MMP26: variants seen among roughly 807,000 people sequenced by gnomAD.
MMP26 encodes the protein matrix metallopeptidase 26.
MMP26 carries 33 observed loss-of-function variants against 31.0 expected under a neutral mutation model. The observed-to-expected ratio is 1.06, with a 90% CI of 0.81 to 1.42. The LOEUF is 1.42. Among genes scored for constraint, MMP26 ranks in the 40% most tolerant of loss-of-function variants. MMP26 has a pLI of 0.00. For missense variants in MMP26, 347 were observed against 316.1 expected (o/e 1.10, Z -0.74); for synonymous variants, 122 against 114.9 (o/e 1.06, Z -0.40).
At chr11:4,812,808 T>A (rs1849367215) in intron 2 of MMP26, among the ~76,000 whole-genome samples, 1 of 152,108 alleles carries the variant, frequency 6.6e-6, no homozygotes, top group Non-Finnish European at 1.5e-5. Flanking sequence ...AGGGAGGCCT[T>A]CTGTGGAGAC....
chr11:4,835,987 A>G (rs1393526670), intron 2 of MMP26, among the ~76,000 whole-genome samples: 1 of 152,064 alleles, frequency 6.6e-6, no homozygotes, highest in Non-Finnish European at 1.5e-5. Context: ...TATAAAATAC[A>G]TATATAAATA....
intron 2 of MMP26, among the ~76,000 whole-genome samples, chr11:4,956,388 AAATC>A (rs1846443529): frequency 1.3e-5 from 2 of 152,342 alleles, no homozygotes; most frequent in South Asian, 2.1e-4. Context: ...TAGATACAGT[AAATC>A]TACAGAGATA....
intron 2 of MMP26, among the ~76,000 whole-genome samples, chr11:4,796,528 T>C (rs1589903196): frequency 1.3e-5 from 2 of 152,230 alleles, no homozygotes; most frequent in Admixed American, 1.3e-4. Flanking sequence ...TTCAGGACAT[T>C]GATCAATAAA....
chr11:4,948,993 C>T (rs1846346321), intron 2 of MMP26, among the ~76,000 whole-genome samples: 1 of 124,084 alleles, frequency 8.1e-6, no homozygotes, highest in Non-Finnish European at 1.8e-5. Flanking sequence ...ATTGCTTTGA[C>T]AAGGACATGT....
intron 2 of MMP26, chr11:4,793,650 T>C (rs1362773635): frequency 6.6e-6 from 1 of 152,214 alleles, no homozygotes; most frequent in Non-Finnish European, 1.5e-5. Context: ...CTCACATAGA[T>C]TATTTCATGA....
intron 2 of MMP26, among the ~76,000 whole-genome samples, chr11:4,858,766 A>T (rs1420245925): frequency 1.3e-5 from 2 of 152,184 alleles, no homozygotes; most frequent in African/African-American, 4.8e-5. Flanking sequence ...CATTGCCAAG[A>T]TAATCCTAAG....
At chr11:4,940,257 A>G (rs1311970277) in intron 2 of MMP26, among the ~76,000 whole-genome samples, 1 of 152,128 alleles carries the variant, frequency 6.6e-6, no homozygotes, top group Non-Finnish European at 1.5e-5. Flanking sequence ...TCCTTCTCAC[A>G]CGTATCATAC....
At chr11:4,718,247 A>C (rs1219462215) in intron 1 of MMP26, among the ~76,000 whole-genome samples, 2 of 152,180 alleles carry the variant, frequency 1.3e-5, no homozygotes, top group Admixed American at 1.3e-4. Context: ...TGCATATATT[A>C]CTCTTTGTCT....
intron 1 of MMP26, among the ~76,000 whole-genome samples, chr11:4,728,404 T>C (rs912865364): frequency 6.6e-6 from 1 of 152,192 alleles, no homozygotes; most frequent in Non-Finnish European, 1.5e-5. Context: ...AAGTTTACTA[T>C]GGGACTTATC....
chr11:4,848,716 G>A, intron 2 of MMP26: 5 of 1,614,116 alleles, frequency 3.1e-6, no homozygotes, highest in Non-Finnish European at 4.2e-6. Flanking sequence ...GGCAGGGGCA[G>A]ATGGAGACCC....
chr11:4,743,316 G>A (rs903269389), intron 1 of MMP26, among the ~76,000 whole-genome samples: 7 of 152,006 alleles, frequency 4.6e-5, no homozygotes, highest in Non-Finnish European at 7.4e-5. Context: ...TCATTTTCTT[G>A]TCAATATTCA....
Position 4,980,287 on chromosome 11 carries a change from T to C in MMP26, c.-144-7781T>C, listed in dbSNP as rs536676410. 3.9e-5 allele frequency among the ~76,000 whole-genome samples: 6 copies of C among 152,184 alleles called. No individual in the cohort carries two copies. The South Asian group carries it at 1.0e-3, about 26-fold the overall frequency. ...CACCAAAGTTTCCAGATGATAGCTG[T>C]AGTTTATTTATGGAAAAAGTGTACC... On this transcript the variant is annotated intron_variant, in intron 2 of 7. Coordinates refer to ENST00000380390, the MANE Select transcript of MMP26 (RefSeq NM_021801.5).
chr11:4,881,998 C>T, intron 2 of MMP26: 2 of 1,613,924 alleles, frequency 1.2e-6, no homozygotes, highest in Non-Finnish European at 1.7e-6. Context: ...CCATTCCAGT[C>T]TGCTGTCTCT....
At chr11:4,897,741 A>G (rs1850732054) in intron 2 of MMP26, among the ~76,000 whole-genome samples, 1 of 151,646 alleles carries the variant, frequency 6.6e-6, no homozygotes, top group African/African-American at 2.4e-5. Context: ...ATAAACAAAT[A>G]TTATATTGTA....
chr11:4,825,351 C>G (rs146566379), intron 2 of MMP26, among the ~76,000 whole-genome samples: 3 of 152,210 alleles, frequency 2.0e-5, no homozygotes, highest in Non-Finnish European at 4.4e-5. Context: ...ATCTGTCAAA[C>G]CTGAGCAGCC....
At chr11:4,837,148 G>A (rs1470076676) in intron 2 of MMP26, among the ~76,000 whole-genome samples, 3 of 152,078 alleles carry the variant, frequency 2.0e-5, no homozygotes, top group Non-Finnish European at 4.4e-5. Flanking sequence ...TGGTGCAAAT[G>A]TAATTGCTAT....
intron 1 of MMP26, among the ~76,000 whole-genome samples, chr11:4,707,492 T>C (rs1847795721): frequency 6.6e-6 from 1 of 152,212 alleles, no homozygotes; most frequent in South Asian, 2.1e-4. Context: ...GAACATTAAA[T>C]TGAGAGGCTG....
intron 2 of MMP26, among the ~76,000 whole-genome samples, chr11:4,957,234 C>T (rs1449818788): frequency 6.6e-6 from 1 of 152,176 alleles, no homozygotes; most frequent in Non-Finnish European, 1.5e-5. Context: ...CCTGCTGTTT[C>T]ATACTGGCAT....
At chr11:4,987,147 G>T (rs1410215912) in intron 2 of MMP26, among the ~76,000 whole-genome samples, 1 of 151,842 alleles carries the variant, frequency 6.6e-6, no homozygotes, top group Non-Finnish European at 1.5e-5. Flanking sequence ...CTCCCAAAGT[G>T]CTGGGATTAC....
Sources: allele counts gnomAD v4.1 joint callset (sites outside exome capture counted in the v4.1 genomes callset), GRCh38; gene constraint gnomAD v4.1.1; transcripts MANE v1.5; gene names NCBI Gene and HGNC (gene_info 2026-07-23, HGNC 2026-07-21).